IGFBP1: variants seen among roughly 807,000 people sequenced by gnomAD.
The protein encoded by IGFBP1 is insulin-like growth factor-binding protein 1.
A neutral mutation model predicts 23.1 loss-of-function variants in IGFBP1; 31 were observed. The observed-to-expected ratio is 1.34, with a 90% CI of 1.01 to 1.81. The LOEUF (loss-of-function observed/expected upper bound fraction) is 1.81, where lower values mean the gene tolerates loss of function less well. IGFBP1 is among the 40% of genes most tolerant of loss of function. The pLI is 0.00. For synonymous variants in IGFBP1, 148 were observed against 145.5 expected, an observed-to-expected ratio of 1.02 and a Z score of -0.13; for missense variants, 333 against 342.2, an observed-to-expected ratio of 0.97 and a Z score of 0.21.
chr7:45,889,031 C>T, intron 1 of IGFBP1, 30 bp downstream of exon 1: 1 of 1,457,382 alleles, frequency 6.9e-7, no homozygotes, highest in South Asian at 1.3e-5. Context: ...GCTCCAGCAC[C>T]TCCTGCCGCC....
chr7:45,890,528 C>T lies in IGFBP1; in HGVS notation c.350-20C>T, dbSNP rs775991892. ...GATGCTTTGGGAGGGCTCATGGGGTCTGCAATGTTTCCTTTCCAGAGGCAG... is the reference window on the plus strand; with the variant it reads ...GATGCTTTGGGAGGGCTCATGGGGTTTGCAATGTTTCCTTTCCAGAGGCAG... On this transcript the variant is annotated intron_variant, in intron 1 of 3. Transcript: ENST00000275525. The T allele has an allele frequency of 2.1e-5, 34 of 1,595,294 alleles. No homozygotes were observed. Among genetic ancestry groups the T allele is most frequent in the Non-Finnish European group, 2.8e-5 (33 of 1,172,196 alleles).
At position 45,888,993 on chromosome 7, in the gene IGFBP1, A is replaced by C. The variant is rs1361167833; in HGVS notation, c.341A>C (p.His114Pro). 1 of 1,515,532 alleles carries C rather than the reference A, an allele frequency of 6.6e-7. No homozygotes were observed. The highest frequency in any genetic ancestry group is 8.8e-7 in the Non-Finnish European group (1 of 1,138,376). The allele number at this position is 1,515,532 out of a possible 1,614,324, so 93.9% of individuals were successfully genotyped here. A position where few individuals can be genotyped will look rare whatever the true frequency, so the allele number is the denominator to read the frequency against. The part of the protein sequence containing the change: ...CVQESDASAP[H>P]AAEAGSPESP... ...CAGGAGTCTGACGCCTCCGCTCCCC[A>C]TGCTGCAGGTACCACAGTCCCGCCC... The change falls in exon 1 of 4, where the codon CAT becomes CCT. Residue 114 changes from histidine (H) to proline (P), a missense_variant. Physicochemically the swap from His to Pro is moderately conservative, Grantham distance 77. Coordinates refer to ENST00000275525, the MANE Select transcript of IGFBP1 (RefSeq NM_000596.4).
In IGFBP1 at chr7:45,893,127, TTAAG is replaced by T. The variant is rs1170153959; in HGVS notation, c.*39_*42del. The T allele has an allele frequency of 6.8e-7, 1 of 1,475,216 alleles. No individual in the cohort carries two copies. Among genetic ancestry groups the T allele is most frequent in the Non-Finnish European group, 9.4e-7 (1 of 1,059,544 alleles). 91.4% of individuals were successfully genotyped at this position (1,475,216 alleles called of 1,614,324 possible). ...AATAATGTTCTGTCACGTGAAATAT[TTAAG>T]TATATAGTATATTTATACTCTAGAA... On this transcript the variant is annotated 3_prime_UTR_variant, in exon 4 of 4. Transcript: ENST00000275525.
At chr7:45,892,251 T>G (rs1787090996) in intron 3 of IGFBP1, among the ~76,000 whole-genome samples, 191 bp downstream of exon 3, 1 of 152,120 alleles carries the variant, frequency 6.6e-6, no homozygotes, top group Non-Finnish European at 1.5e-5. Flanking sequence ...AACAGGTCAA[T>G]ATGTCACCAC....
In IGFBP1 at chr7:45,893,180, A is replaced by T; in HGVS notation, c.*89A>T. The T allele has an allele frequency of 3.5e-6, 2 of 572,238 alleles. No individual in the cohort carries two copies. Among genetic ancestry groups the T allele is most frequent in the Non-Finnish European group, 5.2e-6 (2 of 384,524 alleles). 35.4% of individuals were successfully genotyped at this position (572,238 alleles called of 1,614,324 possible). On this transcript the variant is annotated 3_prime_UTR_variant, in exon 4 of 4. Coordinates refer to ENST00000275525, the MANE Select transcript of IGFBP1 (RefSeq NM_000596.4). The stretch of plus-strand genomic sequence containing the variant: ...AACATGCACATTTATATATATATGT[A>T]TATGTATATATATATAGTAACTACT...
In IGFBP1 at chr7:45,890,726, C is replaced by T. The variant is rs1362978267; in HGVS notation, c.519+9C>T. On this transcript the variant is annotated intron_variant, in intron 2 of 3. Coordinates refer to ENST00000275525, the MANE Select transcript of IGFBP1 (RefSeq NM_000596.4). Reference sequence around the variant, plus strand: ...ACATCAAAAAATGGAAGGTGAGGCCCAGCAGGTGGGTGGTGGGAACTCTCC... The same window carrying T: ...ACATCAAAAAATGGAAGGTGAGGCCTAGCAGGTGGGTGGTGGGAACTCTCC... 1 of 1,592,058 alleles carries T rather than the reference C, an allele frequency of 6.3e-7. No individual in the cohort carries two copies. The highest frequency in any genetic ancestry group is 8.6e-7 in the Non-Finnish European group (1 of 1,169,136).
chr7:45,891,929 T>C lies in IGFBP1; in HGVS notation c.520-3T>C. 6.2e-7 allele frequency: 1 copy of C among 1,611,222 alleles called. No individual in the cohort carries two copies. Among genetic ancestry groups the C allele is most frequent in the Non-Finnish European group, 8.5e-7 (1 of 1,178,606 alleles). On this transcript the variant is annotated splice_region_variant and splice_polypyrimidine_tract_variant and intron_variant, in intron 2 of 3. Transcript: ENST00000275525. ...ATATGCTAATGTCAAGTTATTCTCT[T>C]AGGAGCCCTGCCGAATAGAACTCTA... is the stretch of plus-strand genomic sequence containing the variant.
chr7:45,892,320 C>T (rs2116550407), intron 3 of IGFBP1, among the ~76,000 whole-genome samples: 1 of 152,344 alleles, frequency 6.6e-6, no homozygotes, highest in Middle Eastern at 3.4e-3. Context: ...AGCTCCATCA[C>T]TCAGCAAGCC....
intron 1 of IGFBP1, 29 bp downstream of exon 1, chr7:45,889,030 C>G: frequency 6.9e-7 from 1 of 1,455,796 alleles, no homozygotes; most frequent in East Asian, 2.8e-5. Flanking sequence ...TGCTCCAGCA[C>G]CTCCTGCCGC....
At chr7:45,890,955 T>C (rs1787069861) in intron 2 of IGFBP1, among the ~76,000 whole-genome samples, 1 of 152,208 alleles carries the variant, frequency 6.6e-6, no homozygotes, top group African/African-American at 2.4e-5. Flanking sequence ...GATAGGTTAC[T>C]TCATGTCTCT....
At position 45,888,921 on chromosome 7, in the gene IGFBP1, A is replaced by T; in HGVS notation, c.269A>T (p.Glu90Val). The T allele has an allele frequency of 6.6e-7, 1 of 1,507,434 alleles. No homozygotes were observed. 93.4% of individuals were successfully genotyped at this position (1,507,434 alleles called of 1,614,324 possible). ...RGLSCRALPG[E>V]QQPLHALTRG... is the part of the protein sequence containing the mutation. The stretch of plus-strand genomic sequence containing the variant: ...CTCAGTTGCCGCGCGCTGCCGGGGG[A>T]GCAGCAACCTCTGCACGCCCTCACC... The change falls in exon 1 of 4, where the codon GAG becomes GTG. Residue 90 changes from glutamate to valine, a missense_variant. Physicochemically the swap from Glu to Val is moderately radical, Grantham distance 121. Coordinates refer to ENST00000275525, the MANE Select transcript of IGFBP1 (RefSeq NM_000596.4).
rs1036273984 is a variant in IGFBP1, at chr7:45,892,211, C to G, written c.648+151C>G. On this transcript the variant is annotated intron_variant, in intron 3 of 3. Transcript: ENST00000275525. The stretch of plus-strand genomic sequence containing the variant: ...GAGCCAGATCCACCCCTCTGGGAAC[C>G]TGGAACAGCTAGGTGAAGAAAGCCT... 2.6e-5 allele frequency: 20 copies of G among 783,300 alleles called. No homozygotes were observed. The African/African-American group carries it at 3.5e-4, about 14-fold the overall frequency. The allele number at this position is 783,300 out of a possible 1,614,324, so 48.5% of individuals were successfully genotyped here. A position where few individuals can be genotyped will look rare whatever the true frequency, so the allele number is the denominator to read the frequency against.
In IGFBP1 at chr7:45,888,643, G is replaced by T; in HGVS notation, c.-10G>T. ...GAGCATCGGCCCCTGTCTGCTGCTCGCGCCTGGAGATGTCAGAGGTCCCCG... is the reference window on the plus strand; with the variant it reads ...GAGCATCGGCCCCTGTCTGCTGCTCTCGCCTGGAGATGTCAGAGGTCCCCG... On this transcript the variant is annotated 5_prime_UTR_variant, in exon 1 of 4. Coordinates refer to ENST00000275525, the MANE Select transcript of IGFBP1 (RefSeq NM_000596.4). The T allele has an allele frequency of 1.3e-6, 2 of 1,593,450 alleles. No homozygotes were observed. The highest frequency in any genetic ancestry group is 1.7e-6 in the Non-Finnish European group (2 of 1,177,544).
chr7:45,890,738 G>A, intron 2 of IGFBP1, 21 bp downstream of exon 2: 1 of 1,580,492 alleles, frequency 6.3e-7, no homozygotes, highest in Non-Finnish European at 8.6e-7. Flanking sequence ...GCAGGTGGGT[G>A]GTGGGAACTC....
At chr7:45,890,819 C>G (rs1787068587) in intron 2 of IGFBP1, 102 bp downstream of exon 2, 1 of 1,016,388 alleles carries the variant, frequency 9.8e-7, no homozygotes, top group Non-Finnish European at 1.4e-6. Context: ...GGTCCTGATG[C>G]CCTGGAAAGA....
Position 45,890,664 on chromosome 7 carries a change from A to C in IGFBP1, c.466A>C (p.Ser156Arg). 6.2e-7 allele frequency: 1 copy of C among 1,613,686 alleles called. No individual in the cohort carries two copies. The highest frequency in any genetic ancestry group is 8.5e-7 in the Non-Finnish European group (1 of 1,179,862). Reference sequence around the variant, plus strand: ...TCATTCCATCCTTTGGGACGCCATCAGTACCTATGATGGCTCGAAGGCTCT... The same window carrying C: ...TCATTCCATCCTTTGGGACGCCATCCGTACCTATGATGGCTCGAAGGCTCT... ...EDHSILWDAI[S>R]TYDGSKALHV... is the part of the protein sequence containing the mutation. The change falls in exon 2 of 4, where the codon AGT becomes CGT. Residue 156 changes from serine (S) to arginine (R), a missense_variant. Coordinates refer to ENST00000275525, the MANE Select transcript of IGFBP1 (RefSeq NM_000596.4).
At position 45,893,157 on chromosome 7, in the gene IGFBP1, C is replaced by A; in HGVS notation, c.*66C>A. ...TATATAGTATATTTATACTCTAGAA[C>A]ATGCACATTTATATATATATGTATA... On this transcript the variant is annotated 3_prime_UTR_variant, in exon 4 of 4. Coordinates refer to ENST00000275525, the MANE Select transcript of IGFBP1 (RefSeq NM_000596.4). The A allele has an allele frequency of 9.6e-7, 1 of 1,042,200 alleles. No individual in the cohort carries two copies. Among genetic ancestry groups the A allele is most frequent in the East Asian group, 2.8e-5 (1 of 35,574 alleles). The allele number at this position is 1,042,200 out of a possible 1,614,324, so 64.6% of individuals were successfully genotyped here.
Position 45,888,862 on chromosome 7 carries a change from G to C in IGFBP1, c.210G>C (p.Ala70=). The C allele has an allele frequency of 6.6e-7, 1 of 1,512,836 alleles. No individual in the cohort carries two copies. Among genetic ancestry groups the C allele is most frequent in the Non-Finnish European group, 8.8e-7 (1 of 1,140,144 alleles). 93.7% of individuals were successfully genotyped at this position (1,512,836 alleles called of 1,614,324 possible). A position where few individuals can be genotyped will look rare whatever the true frequency, so the allele number is the denominator to read the frequency against. The change falls in exon 1 of 4, where the codon GCG becomes GCC. Residue 70 remains alanine (A), a synonymous_variant. Coordinates refer to ENST00000275525, the MANE Select transcript of IGFBP1 (RefSeq NM_000596.4). ...TGTGCGCCCTGCCTCTGGGCGCCGC[G>C]TGCGGCGTGGCGACTGCACGCTGCG... ...CPMCALPLGA[A]CGVATARCAR... is the part of the protein sequence containing the mutation.
At chr7:45,891,908 G>A (rs1404439390) in intron 2 of IGFBP1, 24 bp from the exon 3 acceptor site, 2 of 1,601,400 alleles carry the variant, frequency 1.2e-6, no homozygotes, top group Non-Finnish European at 1.7e-6. Context: ...TGTTAGATAT[G>A]CTAATGTCAA....
Sources: allele counts gnomAD v4.1 joint callset (sites outside exome capture counted in the v4.1 genomes callset), GRCh38; gene constraint gnomAD v4.1.1; transcripts MANE v1.5; gene names NCBI Gene and HGNC (gene_info 2026-07-23, HGNC 2026-07-21).